DPP10: variants seen among roughly 807,000 people sequenced by gnomAD.
DPP10 encodes the protein dipeptidyl peptidase like 10.
In DPP10, 33 loss-of-function variants were observed where a neutral mutation model predicts 120.9. The ratio of observed to expected loss-of-function variants is 0.27; its 90% CI spans 0.21 to 0.37. DPP10 has a LOEUF of 0.37. DPP10 is among the 10% of genes least tolerant of loss of function. The probability of loss-of-function intolerance (pLI) is 1.00; values close to 1 mark genes in which losing one functional copy is unlikely to be tolerated. For missense variants in DPP10, 816 were observed against 942.8 expected, an observed-to-expected ratio of 0.87 and a Z score of 1.76; for synonymous variants, 337 against 326.1, an observed-to-expected ratio of 1.03 and a Z score of -0.36.
chr2:115,594,887 T>C (rs1307887951), intron 5 of DPP10, among the ~76,000 whole-genome samples: 3 of 152,172 alleles, frequency 2.0e-5, no homozygotes, highest in African/African-American at 2.4e-5. Context: ...ATCAGAATTA[T>C]AGAAATCCCA....
At chr2:115,835,794 T>G (rs916957726) in intron 21 of DPP10, among the ~76,000 whole-genome samples, 2 of 152,194 alleles carry the variant, frequency 1.3e-5, no homozygotes, top group African/African-American at 4.8e-5. Context: ...TACATGTGAT[T>G]TAATAAGTGC....
intron 1 of DPP10, among the ~76,000 whole-genome samples, chr2:114,471,035 A>G (rs1300411201): frequency 6.6e-6 from 1 of 152,218 alleles, no homozygotes; most frequent in East Asian, 1.9e-4. Context: ...AGTAGATGAG[A>G]CAAAGTAGAA....
intron 1 of DPP10, among the ~76,000 whole-genome samples, chr2:115,253,134 CA>C: frequency 6.6e-6 from 1 of 152,206 alleles, no homozygotes; most frequent in Non-Finnish European, 1.5e-5. Context: ...GAAGCAGGAG[CA>C]GGCATATCAC....
At chr2:115,562,815 G>A (rs1186656593) in intron 5 of DPP10, among the ~76,000 whole-genome samples, 1 of 151,982 alleles carries the variant, frequency 6.6e-6, no homozygotes, top group Non-Finnish European at 1.5e-5. Flanking sequence ...AGTTTAAGTT[G>A]GCTTTATCAA....
chr2:115,753,757 A>G (rs190546990), intron 11 of DPP10, among the ~76,000 whole-genome samples: 9 of 152,326 alleles, frequency 5.9e-5, no homozygotes, highest in Admixed American at 5.9e-4. Flanking sequence ...AAATTGGTTC[A>G]TGAACTACTC....
At chr2:115,633,724 T>C (rs1339402336) in intron 5 of DPP10, among the ~76,000 whole-genome samples, 7 of 152,160 alleles carry the variant, frequency 4.6e-5, no homozygotes, top group Non-Finnish European at 7.4e-5. Context: ...ATTTTTTCCT[T>C]CATTTCAACC....
At chr2:115,603,723 T>C (rs1353675883) in intron 5 of DPP10, among the ~76,000 whole-genome samples, 1 of 152,182 alleles carries the variant, frequency 6.6e-6, no homozygotes, top group Non-Finnish European at 1.5e-5. Context: ...AGAGCACTGC[T>C]ATTTCTTCAC....
At chr2:115,440,472 C>A (rs532841631) in intron 3 of DPP10, among the ~76,000 whole-genome samples, 1 of 152,168 alleles carries the variant, frequency 6.6e-6, no homozygotes, top group South Asian at 2.1e-4. Flanking sequence ...TTTTACTATG[C>A]AATTTCTTAT....
At chr2:115,067,080 A>G (rs1706902081) in intron 1 of DPP10, among the ~76,000 whole-genome samples, 1 of 152,176 alleles carries the variant, frequency 6.6e-6, no homozygotes, top group South Asian at 2.1e-4. Flanking sequence ...CTCTCAAGAC[A>G]CTGGCAATCA....
At chr2:115,215,431 A>C (rs1439529623) in intron 1 of DPP10, among the ~76,000 whole-genome samples, 1 of 152,240 alleles carries the variant, frequency 6.6e-6, no homozygotes, top group Non-Finnish European at 1.5e-5. Flanking sequence ...GAAATACTTT[A>C]AGTTTTAAAG....
chr2:114,999,131 T>C (rs1701277689), intron 1 of DPP10, among the ~76,000 whole-genome samples: 2 of 152,176 alleles, frequency 1.3e-5, no homozygotes, highest in African/African-American at 2.4e-5. Context: ...TCCTTATCCT[T>C]TGTTTTGCTG....
intron 5 of DPP10, among the ~76,000 whole-genome samples, chr2:115,674,986 A>G (rs2090154790): frequency 6.6e-6 from 1 of 152,238 alleles, no homozygotes; most frequent in Admixed American, 6.5e-5. Context: ...ATTAATCTTT[A>G]TAGATGTCTG....
chr2:115,654,016 T>C (rs2088052574), intron 5 of DPP10, among the ~76,000 whole-genome samples: 1 of 151,860 alleles, frequency 6.6e-6, no homozygotes, highest in East Asian at 1.9e-4. Context: ...TTATTAAGAA[T>C]AAAAATTTTA....
intron 3 of DPP10, among the ~76,000 whole-genome samples, chr2:115,445,315 T>C (rs1456787064): frequency 6.6e-6 from 1 of 152,126 alleles, no homozygotes; most frequent in Non-Finnish European, 1.5e-5. Flanking sequence ...CATGAAAATG[T>C]GGAAGCAACT....
rs1348462044 is a variant in DPP10, at chr2:115,840,316, TTGG to T, written c.2183-432_2183-430del. On this transcript the variant is annotated intron_variant, in intron 24 of 25. Coordinates refer to ENST00000410059, the MANE Select transcript of DPP10 (RefSeq NM_020868.6). ...TACCTAAAGCCAGATATAAGGTTTT[TTGG>T]TTTTTTTTTTTTTTTTTTTTTTGAG... 5.5e-4 allele frequency among the ~76,000 whole-genome samples: 49 copies of T among 88,652 alleles called. 21 individuals carry two copies. Among genetic ancestry groups the T allele is most frequent in the South Asian group, 1.9e-3 (4 of 2,080 alleles). The allele number at this position is 88,652 out of a possible 152,430, so 58.2% of individuals were successfully genotyped here.
chr2:114,465,064 C>T (rs900796538), intron 1 of DPP10, among the ~76,000 whole-genome samples: 2 of 152,060 alleles, frequency 1.3e-5, no homozygotes, highest in Non-Finnish European at 2.9e-5. Context: ...GGAACTATTG[C>T]GTTCTGTATA....
intron 1 of DPP10, among the ~76,000 whole-genome samples, chr2:114,619,439 G>T (rs1693923829): frequency 6.6e-6 from 1 of 151,352 alleles, no homozygotes; most frequent in Non-Finnish European, 1.5e-5. Context: ...AGAGAGCCAG[G>T]TGAAATCCAA....
intron 1 of DPP10, among the ~76,000 whole-genome samples, chr2:115,239,973 G>A (rs1161671675): frequency 6.6e-6 from 1 of 152,318 alleles, no homozygotes; most frequent in South Asian, 2.1e-4. Flanking sequence ...TGGTGAATAT[G>A]TGCCACAGTT....
chr2:114,850,452 C>T (rs2106484215), intron 1 of DPP10, among the ~76,000 whole-genome samples: 1 of 152,246 alleles, frequency 6.6e-6, no homozygotes, highest in East Asian at 1.9e-4. Flanking sequence ...AATTAAACTA[C>T]TGCCAGTTAT....
Sources: gnomAD v4.1 joint callset for allele counts (sites outside exome capture counted in the v4.1 genomes callset) on GRCh38, gnomAD v4.1.1 for gene constraint, MANE v1.5 for transcripts, NCBI Gene and HGNC (gene_info 2026-07-23, HGNC 2026-07-21) for gene names.